The following FLYWCH1 variants were observed in gnomAD, a reference collection of about 807,000 sequenced individuals.
FLYWCH1 encodes FLYWCH-type zinc finger 1, also known as FLYWCH-type zinc finger-containing protein 1.
Under a neutral mutation model 66.4 loss-of-function variants are expected in FLYWCH1, and 75 were observed. The observed-to-expected ratio is 1.13, with a 90% CI of 0.94 to 1.37. The LOEUF is 1.37. Among genes scored for constraint, FLYWCH1 ranks in the 40% most tolerant of loss-of-function variants. The pLI is 0.00. For synonymous variants in FLYWCH1, 595 were observed against 429.9 expected (o/e 1.38, Z -4.75); for missense variants, 1,334 against 1,001.8 (o/e 1.33, Z -4.48).
In FLYWCH1 at chr16:2,929,650, T is replaced by C. The variant is rs774982028; in HGVS notation, c.-36T>C. 1.3e-6 allele frequency: 2 copies of C among 1,586,238 alleles called. No homozygotes were observed. Among genetic ancestry groups the C allele is most frequent in the Non-Finnish European group, 8.6e-7 (1 of 1,166,176 alleles). ...GCACTCCAGGTTCCTTGCTGGGTGC[T>C]GAGCGTGGCCTGAGGGACAGGCCCT... On this transcript the variant is annotated 5_prime_UTR_variant, in exon 3 of 10. Transcript: ENST00000253928.
intron 3 of FLYWCH1, 22 bp from the exon 4 acceptor site, chr16:2,930,388 C>G (rs367626752): frequency 9.3e-6 from 13 of 1,398,582 alleles, no homozygotes; most frequent in South Asian, 1.5e-5. Context: ...GCTTAGCTAA[C>G]CTAGCCTTCC....
chr16:2,940,689 G>C (rs543072795), intron 9 of FLYWCH1, among the ~76,000 whole-genome samples: 1 of 152,078 alleles, frequency 6.6e-6, no homozygotes, highest in African/African-American at 2.4e-5. Context: ...CTCCTGTCTC[G>C]GGTCTCCCGA....
In FLYWCH1 at chr16:2,929,642, C is replaced by A. The variant is rs771409145; in HGVS notation, c.-44C>A. 3 of 1,572,338 alleles carry A rather than the reference C, an allele frequency of 1.9e-6. No homozygotes were observed. The highest frequency in any genetic ancestry group is 1.2e-5 in the South Asian group (1 of 86,484). On this transcript the variant is annotated 5_prime_UTR_variant, in exon 3 of 10. It adds an upstream start codon to the 5' untranslated region. Transcript: ENST00000253928. Reference sequence around the variant, plus strand: ...GAACCACTGCACTCCAGGTTCCTTGCTGGGTGCTGAGCGTGGCCTGAGGGA... The same window carrying A: ...GAACCACTGCACTCCAGGTTCCTTGATGGGTGCTGAGCGTGGCCTGAGGGA...
intron 6 of FLYWCH1, chr16:2,936,311 C>G (rs2070997763): frequency 4.5e-6 from 2 of 441,864 alleles, no homozygotes; most frequent in Non-Finnish European, 9.1e-6. Context: ...GTCCTGACCT[C>G]TTCTGTCTCG....
intron 4 of FLYWCH1, among the ~76,000 whole-genome samples, chr16:2,932,676 T>A (rs568043064): frequency 6.6e-6 from 1 of 152,138 alleles, no homozygotes; most frequent in African/African-American, 2.4e-5. Context: ...GTATTATACC[T>A]TGTGTGTTTT....
rs974323496 is a variant in FLYWCH1, at chr16:2,911,995, G to T, written c.-347G>T. ...GGCGGGGTCGCGCGCGCGGTCACGG[G>T]GCTCGCTCCCGAGGGGCAGGTCGGG... On this transcript the variant is annotated 5_prime_UTR_variant, in exon 1 of 10. Coordinates refer to ENST00000253928, the MANE Select transcript of FLYWCH1 (RefSeq NM_001308068.2). 17 of 152,258 alleles carry T rather than the reference G, an allele frequency of 1.1e-4. No homozygotes were observed. The highest frequency in any genetic ancestry group is 3.4e-4 in the African/African-American group (14 of 41,444). The allele number at this position is 152,258 out of a possible 1,614,324, so 9.4% of individuals were successfully genotyped here. A position where few individuals can be genotyped will look rare whatever the true frequency, so the allele number is the denominator to read the frequency against.
At chr16:2,933,648 G>A in intron 5 of FLYWCH1, 66 bp downstream of exon 5, 4 of 1,564,602 alleles carry the variant, frequency 2.6e-6, no homozygotes, top group Non-Finnish European at 3.5e-6. Context: ...GTCCAGGGAG[G>A]GAAGGGGGTG....
intron 6 of FLYWCH1, 143 bp downstream of exon 6, chr16:2,934,122 T>G (rs1339542033): frequency 7.3e-6 from 8 of 1,093,122 alleles, no homozygotes; most frequent in Non-Finnish European, 1.0e-5. Context: ...GGCCCTGGCC[T>G]CCTACTCCTT....
chr16:2,938,106 TG>T, intron 7 of FLYWCH1, 77 bp from the exon 8 acceptor site: 1 of 1,422,170 alleles, frequency 7.0e-7, no homozygotes, highest in Non-Finnish European at 9.6e-7. Flanking sequence ...GGGGCCTGGC[TG>T]GGGGATACAA....
chr16:2,934,954 T>C (rs7193231), intron 6 of FLYWCH1: 32,704 of 174,056 alleles, frequency 0.19, 7,117 homozygotes, highest in African/African-American at 0.56. Context: ...GACGGAGTCT[T>C]GCTTTATCAC....
intron 9 of FLYWCH1, among the ~76,000 whole-genome samples, chr16:2,940,592 C>T (rs946431303): frequency 6.6e-6 from 1 of 152,142 alleles, no homozygotes; most frequent in African/African-American, 2.4e-5. Flanking sequence ...TGTACCACCA[C>T]ACCGAGCTGA....
intron 9 of FLYWCH1, among the ~76,000 whole-genome samples, chr16:2,946,426 A>T (rs1016592304): frequency 2.0e-5 from 3 of 146,822 alleles, no homozygotes; most frequent in Non-Finnish European, 3.0e-5. Context: ...GGTTCAAGCG[A>T]TTCTCCTCCC....
chr16:2,934,410 G>C (rs2070910304), intron 6 of FLYWCH1, among the ~76,000 whole-genome samples: 1 of 152,228 alleles, frequency 6.6e-6, no homozygotes, highest in Non-Finnish European at 1.5e-5. Flanking sequence ...TCGGCCCGCT[G>C]TTCCATAGAC....
intron 8 of FLYWCH1, 99 bp downstream of exon 8, chr16:2,938,555 C>A: frequency 1.1e-6 from 1 of 945,590 alleles, no homozygotes; most frequent in East Asian, 2.9e-5. Context: ...GAGCAGACTG[C>A]TTTTGTGCAC....
rs192480558 is a variant in FLYWCH1 at position 2,949,977 on chromosome 16, G to C, written c.*1250G>C. 6.6e-6 allele frequency: 1 copy of C among 152,232 alleles called. No homozygotes were observed. The highest frequency in any genetic ancestry group is 1.5e-5 in the Non-Finnish European group (1 of 68,086). The allele number at this position is 152,232 out of a possible 1,614,324, so 9.4% of individuals were successfully genotyped here. On this transcript the variant is annotated 3_prime_UTR_variant, in exon 10 of 10. Coordinates refer to ENST00000253928, the MANE Select transcript of FLYWCH1 (RefSeq NM_001308068.2). ...GACGTAACCTGGACCAAGAGTGGAC[G>C]GAGACACCTGGGGTTGGGGCCTCTG...
rs746516562 is a variant in FLYWCH1 at position 2,933,410 on chromosome 16, G to C, written c.1077G>C (p.Gly359=). The C allele has an allele frequency of 3.1e-6, 5 of 1,601,430 alleles. No individual in the cohort carries two copies. The East Asian group carries it at 6.8e-5, about 22-fold the overall frequency. Residue 359 remains glycine (G), a synonymous_variant, in exon 5 of 10, where the codon GGG becomes GGC. Coordinates refer to ENST00000253928, the MANE Select transcript of FLYWCH1 (RefSeq NM_001308068.2). The part of the protein sequence containing the change: ...ETLQAGQDGP[G]SQVDTLLRGV... ...TGCAGGCTGGGCAGGACGGCCCTGGGAGCCAAGTGGACACGCTGCTCCGAG... is the reference window on the plus strand; with the variant it reads ...TGCAGGCTGGGCAGGACGGCCCTGGCAGCCAAGTGGACACGCTGCTCCGAG...
chr16:2,948,585 G>T (rs1214247283), intron 9 of FLYWCH1, 103 bp from the exon 10 acceptor site: 1 of 1,184,968 alleles, frequency 8.4e-7, no homozygotes, highest in Non-Finnish European at 1.2e-6. Flanking sequence ...TCTAGACTGT[G>T]GCATCCCCAG....
chr16:2,926,865 C>T (rs1434092487), intron 2 of FLYWCH1, among the ~76,000 whole-genome samples: 1 of 152,152 alleles, frequency 6.6e-6, no homozygotes, highest in Admixed American at 6.5e-5. Flanking sequence ...ACTCCTCCTC[C>T]CGTGGTTCAG....
At position 2,933,231 on chromosome 16, in the gene FLYWCH1, G is replaced by C. The variant is rs776011052; in HGVS notation, c.898G>C (p.Val300Leu). 7 of 1,613,486 alleles carry C rather than the reference G, an allele frequency of 4.3e-6. No homozygotes were observed. The highest frequency in any genetic ancestry group is 1.3e-5 in the African/African-American group (1 of 74,862). Reference protein sequence around the residue: ...YKREKAVGDKVYWTCRDHALH... With the variant: ...YKREKAVGDKLYWTCRDHALH... ...GCGGGAGAAGGCTGTCGGGGACAAG[G>C]TGTATTGGACCTGCCGGGACCACGC... The change falls in exon 5 of 10, where the codon GTG (valine) becomes CTG (leucine). Residue 300 changes from valine to leucine, a missense_variant. Physicochemically the swap from Val to Leu is conservative, Grantham distance 32 (BLOSUM62 1). Coordinates refer to ENST00000253928, the MANE Select transcript of FLYWCH1 (RefSeq NM_001308068.2).
Sources: allele counts gnomAD v4.1 joint callset (sites outside exome capture counted in the v4.1 genomes callset), GRCh38; gene constraint gnomAD v4.1.1; transcripts MANE v1.5; gene names NCBI Gene and HGNC (gene_info 2026-07-23, HGNC 2026-07-21).